The following LPP variants were observed in gnomAD, a reference collection of about 807,000 sequenced individuals.
LPP encodes the protein LIM domain containing preferred translocation partner in lipoma, also known as lipoma-preferred partner.
Under a neutral mutation model 60.4 loss-of-function variants are expected in LPP, and 38 were observed. The ratio of observed to expected loss-of-function variants is 0.63; its 90% CI spans 0.49 to 0.83. The LOEUF (loss-of-function observed/expected upper bound fraction) is 0.83. Ranked by LOEUF, LPP falls within the 40% of genes least tolerant of loss-of-function variation. The pLI, the probability that LPP is intolerant of heterozygous loss-of-function variation, is 0.00. For synonymous variants in LPP, 328 were observed against 290.8 expected, an observed-to-expected ratio of 1.13 and a Z score of -1.30; for missense variants, 902 against 783.6, an observed-to-expected ratio of 1.15 and a Z score of -1.80.
intron 7 of LPP, among the ~76,000 whole-genome samples, chr3:188,671,268 A>G (rs1410809313): frequency 6.6e-6 from 1 of 152,222 alleles, no homozygotes; most frequent in Non-Finnish European, 1.5e-5. Flanking sequence ...GCCTCTTTCA[A>G]TTAATAAATG....
intron 6 of LPP, among the ~76,000 whole-genome samples, chr3:188,543,589 TGTTGGC>T (rs1825777759): frequency 6.6e-6 from 1 of 152,196 alleles, no homozygotes. Flanking sequence ...TATATCTGGT[TGTTGGC>T]TGGAGTCTAT....
intron 4 of LPP, among the ~76,000 whole-genome samples, chr3:188,433,541 G>C (rs997967511): frequency 3.3e-5 from 5 of 151,396 alleles, no homozygotes. Context: ...AAAATATTCT[G>C]ATAGTTTGCT....
chr3:188,830,585 A>G (rs534040624), intron 9 of LPP, among the ~76,000 whole-genome samples: 2 of 151,966 alleles, frequency 1.3e-5, no homozygotes, highest in Admixed American at 6.6e-5. Context: ...AGCCTGGGCA[A>G]CAGAGTGAAA....
chr3:188,490,052 C>T (rs1807855264), intron 5 of LPP, among the ~76,000 whole-genome samples: 1 of 152,166 alleles, frequency 6.6e-6, no homozygotes, highest in South Asian at 2.1e-4. Context: ...AAATGTTAAA[C>T]ATTTCTCTTT....
At chr3:188,502,748 T>C (rs957547988) in intron 5 of LPP, among the ~76,000 whole-genome samples, 1 of 152,158 alleles carries the variant, frequency 6.6e-6, no homozygotes, top group African/African-American at 2.4e-5. Flanking sequence ...ATACCAAACA[T>C]CATGGTTTAG....
chr3:188,628,788 A>T (rs534713921), intron 7 of LPP, among the ~76,000 whole-genome samples: 56 of 152,124 alleles, frequency 3.7e-4, no homozygotes, highest in Non-Finnish European at 7.2e-4. Flanking sequence ...AACCTGACAG[A>T]GATAGAACAA....
At chr3:188,841,031 T>A (rs566384205) in intron 9 of LPP, among the ~76,000 whole-genome samples, 2 of 152,242 alleles carry the variant, frequency 1.3e-5, no homozygotes, top group South Asian at 4.2e-4. Context: ...GTGTGCTATG[T>A]GGGCCATCAG....
intron 2 of LPP, among the ~76,000 whole-genome samples, chr3:188,318,113 T>C (rs1037371665): frequency 6.6e-6 from 1 of 152,174 alleles, no homozygotes; most frequent in Admixed American, 6.5e-5. Context: ...TTAAAGCTCC[T>C]CAGGGTCAGG....
At chr3:188,209,788 G>C (rs1194086994) in intron 1 of LPP, among the ~76,000 whole-genome samples, 1 of 152,176 alleles carries the variant, frequency 6.6e-6, no homozygotes, top group Non-Finnish European at 1.5e-5. Context: ...AAGTAGACAA[G>C]TCCATCTGAT....
At chr3:188,396,579 G>C (rs1228651598) in intron 3 of LPP, among the ~76,000 whole-genome samples, 1 of 152,202 alleles carries the variant, frequency 6.6e-6, no homozygotes. Context: ...TAAAGAGATT[G>C]CTAGGTCTCA....
intron 2 of LPP, among the ~76,000 whole-genome samples, chr3:188,291,978 T>TA (rs568789339): frequency 9.8e-4 from 149 of 152,316 alleles, no homozygotes; most frequent in African/African-American, 3.5e-3. Flanking sequence ...TAATATATCT[T>TA]AAAAATGCCC....
intron 2 of LPP, among the ~76,000 whole-genome samples, chr3:188,276,765 C>T (rs1739968440): frequency 6.6e-6 from 1 of 151,480 alleles, no homozygotes; most frequent in African/African-American, 2.4e-5. Flanking sequence ...GAAGTGCCTG[C>T]TCCCTTTTGA....
At chr3:188,203,925 T>C (rs929793535) in intron 1 of LPP, among the ~76,000 whole-genome samples, 1 of 152,068 alleles carries the variant, frequency 6.6e-6, no homozygotes, top group Non-Finnish European at 1.5e-5. Flanking sequence ...ATATTAAGCA[T>C]TTAAAAAGAG....
chr3:188,201,481 C>T (rs753733873), intron 1 of LPP, among the ~76,000 whole-genome samples: 33 of 151,938 alleles, frequency 2.2e-4, no homozygotes, highest in Non-Finnish European at 3.1e-4. Flanking sequence ...CTAAGGCGGG[C>T]GGATCACTTG....
chr3:188,790,825 A>AG (rs1560208264), intron 9 of LPP, among the ~76,000 whole-genome samples: 2 of 151,572 alleles, frequency 1.3e-5, no homozygotes, highest in African/African-American at 4.8e-5. Flanking sequence ...TGTCTCCAAA[A>AG]AAAAAAAATG....
At position 188,171,116 on chromosome 3, in the gene LPP, A is replaced by T. The variant is rs1013248566; in HGVS notation, c.-190+16864A>T. On this transcript the variant is annotated intron_variant, in intron 1 of 11. Transcript: ENST00000617246. ...GAGTCTCAGTTTATCTGTGTATGAA[A>T]CGTTAGGGTTACGCTATGTGTACTC... 1.3e-4 allele frequency among the ~76,000 whole-genome samples: 20 copies of T among 152,288 alleles called. No individual in the cohort carries two copies. The East Asian group carries it at 3.3e-3, about 25-fold the overall frequency.
intron 1 of LPP, among the ~76,000 whole-genome samples, chr3:188,159,837 C>T (rs1312680370): frequency 6.6e-6 from 1 of 152,180 alleles, no homozygotes; most frequent in Non-Finnish European, 1.5e-5. Context: ...TTTCACTTTT[C>T]CCTCACACAG....
At chr3:188,265,736 C>A (rs955140968) in intron 2 of LPP, among the ~76,000 whole-genome samples, 8 of 151,886 alleles carry the variant, frequency 5.3e-5, no homozygotes, top group African/African-American at 1.9e-4. Context: ...GAGGCTGAGT[C>A]TGGAGGTGAG....
chr3:188,294,381 TTAATC>T (rs1435823617), intron 2 of LPP, among the ~76,000 whole-genome samples: 4 of 152,222 alleles, frequency 2.6e-5, no homozygotes, highest in East Asian at 1.9e-4. Context: ...GGATTTCCCT[TTAATC>T]TATTCTCTGA....
Sources: gnomAD v4.1 joint callset for allele counts (sites outside exome capture counted in the v4.1 genomes callset) on GRCh38, gnomAD v4.1.1 for gene constraint, MANE v1.5 for transcripts, NCBI Gene and HGNC (gene_info 2026-07-23, HGNC 2026-07-21) for gene names.